ERC1: variants seen among roughly 807,000 people sequenced by gnomAD.
The protein encoded by ERC1 is RAB6 interacting protein 2.
ERC1 carries 56 observed loss-of-function variants against 132.0 expected under a neutral mutation model. The ratio of observed to expected loss-of-function variants is 0.42; its 90% confidence interval spans 0.34 to 0.53. The LOEUF (loss-of-function observed/expected upper bound fraction) is 0.53, where lower values mean the gene tolerates loss of function less well. ERC1 is among the 20% of genes least tolerant of loss of function. The pLI, the probability that ERC1 is intolerant of heterozygous loss-of-function variation, is 0.03. For missense variants in ERC1, 1,202 were observed against 1,349.9 expected (o/e 0.89, Z 1.72); for synonymous variants, 478 against 476.1 (o/e 1.00, Z -0.05).
rs767823981 is a variant in ERC1 at position 1,236,811 on chromosome 12, C to G, written c.2394C>G (p.His798Gln). ...ATAAGAAGGTAGCAAATCTGAAGCA[C>G]AAGGAACAGGTGGAAAAAAAGAAGA... ...DQNKKVANLK[H>Q]KEQVEKKKSA... The change falls in exon 13 of 19, where the codon CAC (histidine) becomes CAG (glutamine). Residue 798 changes from histidine to glutamine, a missense_variant. Physicochemically the swap from His to Gln is conservative, Grantham distance 24. Coordinates refer to ENST00000360905, the MANE Select transcript of ERC1 (RefSeq NM_178040.4). 1 of 1,613,828 alleles carries G rather than the reference C, an allele frequency of 6.2e-7. No homozygotes were observed. Among genetic ancestry groups the G allele is most frequent in the South Asian group, 1.1e-5 (1 of 91,052 alleles).
At chr12:1,240,077 G>A (rs1324020362) in intron 13 of ERC1, among the ~76,000 whole-genome samples, 1 of 152,212 alleles carries the variant, frequency 6.6e-6, no homozygotes, top group Non-Finnish European at 1.5e-5. Flanking sequence ...GGACAGAGGA[G>A]CAAGAATGAA....
chr12:1,353,763 C>T (rs1451988817), intron 15 of ERC1, among the ~76,000 whole-genome samples: 2 of 152,204 alleles, frequency 1.3e-5, no homozygotes, highest in Non-Finnish European at 2.9e-5. Context: ...TCTCTTTCCA[C>T]TTGTTTACTG....
chr12:1,444,744 G>T lies in ERC1; in HGVS notation c.3207G>T (p.Arg1069=), dbSNP rs754635186. 1 of 1,613,488 alleles carries T rather than the reference G, an allele frequency of 6.2e-7. No homozygotes were observed. Among genetic ancestry groups the T allele is most frequent in the African/African-American group, 1.3e-5 (1 of 74,978 alleles). The stretch of plus-strand genomic sequence containing the variant: ...AGAATGAGCTGCAGAAGATGACCCG[G>T]GGGCAGGTGAGCCTCTCACTCAAAC... ...AWENELQKMT[R]GQLQDELEKG... The change falls in exon 18 of 19, where the codon CGG becomes CGT. Residue 1069 remains arginine, a synonymous_variant. Coordinates refer to ENST00000360905, the MANE Select transcript of ERC1 (RefSeq NM_178040.4).
At chr12:1,395,150 G>A (rs1183220461) in intron 16 of ERC1, among the ~76,000 whole-genome samples, 1 of 152,150 alleles carries the variant, frequency 6.6e-6, no homozygotes, top group African/African-American at 2.4e-5. Flanking sequence ...TCCAAAGTGG[G>A]GCAGTGACCA....
chr12:1,083,561 A>G lies in ERC1; in HGVS notation c.1067A>G (p.Glu356Gly). Residue 356 changes from glutamate (E) to glycine (G), a missense_variant, in exon 3 of 19, where the codon GAG becomes GGG. Physicochemically the swap from Glu to Gly is moderately conservative, Grantham distance 98. Transcript: ENST00000360905. ...LESLLEQKEK[E>G]NSMLREEMHR... The stretch of plus-strand genomic sequence containing the variant: ...AGCCTTTTGGAGCAGAAGGAAAAAG[A>G]GAACAGTATGTTGAGAGAGGTATGT... 1.2e-6 allele frequency: 2 copies of G among 1,604,500 alleles called. No individual in the cohort carries two copies. The highest frequency in any genetic ancestry group is 1.7e-6 in the Non-Finnish European group (2 of 1,177,438).
At chr12:1,310,677 A>G (rs1273638844) in intron 15 of ERC1, among the ~76,000 whole-genome samples, 2 of 152,240 alleles carry the variant, frequency 1.3e-5, no homozygotes, top group African/African-American at 4.8e-5. Context: ...GGGCAGATAG[A>G]TTGTGTATCC....
chr12:1,376,493 G>A lies in ERC1; in HGVS notation c.2925+4516G>A, dbSNP rs1255209698. 3.9e-5 allele frequency among the ~76,000 whole-genome samples: 6 copies of A among 152,162 alleles called. No individual in the cohort carries two copies. In the East Asian group the frequency reaches 7.7e-4, roughly 20 times the overall value. ...GAGCAGTGACAATAATGGCCACCAC[G>A]TGCCACTTGACTGTCGTGCGCAGGG... On this transcript the variant is annotated intron_variant, in intron 16 of 18. Coordinates refer to ENST00000360905, the MANE Select transcript of ERC1 (RefSeq NM_178040.4).
chr12:1,034,465 A>G (rs1968682492), intron 2 of ERC1, among the ~76,000 whole-genome samples: 1 of 152,102 alleles, frequency 6.6e-6, no homozygotes, highest in Admixed American at 6.5e-5. Context: ...AATATTGTGG[A>G]AAAATTGCAT....
At chr12:1,328,711 C>G (rs570433291) in intron 15 of ERC1, among the ~76,000 whole-genome samples, 10 of 151,950 alleles carry the variant, frequency 6.6e-5, no homozygotes, top group South Asian at 6.2e-4. Flanking sequence ...ACAAATGATG[C>G]TATAGGAGGA....
At chr12:1,009,435 A>T (rs1439644058) in intron 1 of ERC1, among the ~76,000 whole-genome samples, 1 of 152,098 alleles carries the variant, frequency 6.6e-6, no homozygotes, top group African/African-American at 2.4e-5. Context: ...CGGCCTCCCA[A>T]AGTGCTGGGA....
At chr12:1,439,170 C>G (rs760956740) in intron 17 of ERC1, among the ~76,000 whole-genome samples, 6 of 152,172 alleles carry the variant, frequency 3.9e-5, no homozygotes, top group Non-Finnish European at 8.8e-5. Context: ...ACGCTTCACT[C>G]TGCACATTTC....
intron 2 of ERC1, among the ~76,000 whole-genome samples, chr12:1,050,737 T>G (rs1971803772): frequency 6.6e-6 from 1 of 152,036 alleles, no homozygotes; most frequent in African/African-American, 2.4e-5. Context: ...ACATAACTAT[T>G]AAGAAAAAGG....
In ERC1 at chr12:1,418,603, CTTTCTTTCTTTCTTTCTT is replaced by C. The variant is rs1235234235; in HGVS notation, c.3024+10358_3024+10375del. Among the ~76,000 whole-genome samples the C allele has an allele frequency of 1.7e-4, 13 of 77,650 alleles. 1 individual carries two copies. The highest frequency in any genetic ancestry group is 5.3e-4 in the African/African-American group (11 of 20,858). 50.9% of individuals were successfully genotyped at this position (77,650 alleles called of 152,430 possible). A position where few individuals can be genotyped will look rare whatever the true frequency, so the allele number is the denominator to read the frequency against. On this transcript the variant is annotated intron_variant, in intron 17 of 18. Coordinates refer to ENST00000360905, the MANE Select transcript of ERC1 (RefSeq NM_178040.4). Reference sequence around the variant, plus strand: ...TTTCTTTCTTTCTCTTTCTTTCTTTCTTTCTTTCTTTCTTTCTTTCTTTCTTTCTTTCTTTCTTTCTCT... The same window carrying C: ...TTTCTTTCTTTCTCTTTCTTTCTTTCTCTTTCTTTCTTTCTTTCTTTCTCT...
chr12:1,065,992 G>A (rs931041476), intron 2 of ERC1, among the ~76,000 whole-genome samples: 1 of 152,326 alleles, frequency 6.6e-6, no homozygotes, highest in African/African-American at 2.4e-5. Flanking sequence ...ATGCTAATTG[G>A]TGGTTGCCAG....
chr12:1,349,712 G>A (rs560483123), intron 15 of ERC1, among the ~76,000 whole-genome samples: 53 of 151,548 alleles, frequency 3.5e-4, no homozygotes, highest in African/African-American at 1.1e-3. Flanking sequence ...TGTGTTGGCC[G>A]TTTTAGGTGC....
At chr12:1,029,938 G>A (rs1967688964) in intron 2 of ERC1, among the ~76,000 whole-genome samples, 2 of 152,050 alleles carry the variant, frequency 1.3e-5, no homozygotes, top group Non-Finnish European at 2.9e-5. Context: ...AGTAGAGACG[G>A]GGTTTCACCG....
rs575789591 is a variant in ERC1, at chr12:1,306,349, A to G, written c.2780+16337A>G. Reference sequence around the variant, plus strand: ...TTAAAGGGGCTTGTTCCATGTGGCAATTGCTCCACCCGTTAATACTGAAGT... The same window carrying G: ...TTAAAGGGGCTTGTTCCATGTGGCAGTTGCTCCACCCGTTAATACTGAAGT... On this transcript the variant is annotated intron_variant, in intron 15 of 18. Coordinates refer to ENST00000360905, the MANE Select transcript of ERC1 (RefSeq NM_178040.4). 6.6e-5 allele frequency among the ~76,000 whole-genome samples: 10 copies of G among 152,318 alleles called. No homozygotes were observed. In the South Asian group the frequency reaches 1.9e-3, roughly 28 times the overall value.
chr12:1,100,918 C>T (rs1188647369), intron 3 of ERC1, among the ~76,000 whole-genome samples: 1 of 152,090 alleles, frequency 6.6e-6, no homozygotes, highest in African/African-American at 2.4e-5. Context: ...GCTTGGGACA[C>T]TCCTGAGGAG....
At chr12:1,008,853 C>T (rs1331368303) in intron 1 of ERC1, among the ~76,000 whole-genome samples, 1 of 152,120 alleles carries the variant, frequency 6.6e-6, no homozygotes, top group Non-Finnish European at 1.5e-5. Context: ...AATAAAAATT[C>T]AGTTCCTCGG....
Sources: gnomAD v4.1 joint callset for allele counts (sites outside exome capture counted in the v4.1 genomes callset) on GRCh38, gnomAD v4.1.1 for gene constraint, MANE v1.5 for transcripts, NCBI Gene and HGNC (gene_info 2026-07-23, HGNC 2026-07-21) for gene names.